The following FILIP1L variants were observed in gnomAD, a reference collection of about 807,000 sequenced individuals.
FILIP1L encodes filamin A interacting protein 1 like.
A neutral mutation model predicts 96.6 loss-of-function variants in FILIP1L; 55 were observed. That is an observed-to-expected ratio of 0.57 (90% confidence interval 0.46 to 0.71). FILIP1L has a LOEUF of 0.71. Among genes scored for constraint, FILIP1L ranks in the 30% least tolerant of loss-of-function variants. The pLI is 0.00. For synonymous variants in FILIP1L, 467 were observed against 473.9 expected (o/e 0.99, Z 0.19); for missense variants, 1,304 against 1,321.2 (o/e 0.99, Z 0.20).
At chr3:99,874,953 CAG>C in intron 4 of FILIP1L, among the ~76,000 whole-genome samples, 1 of 152,242 alleles carries the variant, frequency 6.6e-6, no homozygotes, top group East Asian at 1.9e-4. Context: ...TTTAAAATCT[CAG>C]AGTAAATATA....
chr3:99,972,553 G>A (rs1329904102), intron 1 of FILIP1L, among the ~76,000 whole-genome samples: 1 of 152,150 alleles, frequency 6.6e-6, no homozygotes, highest in Non-Finnish European at 1.5e-5. Context: ...CTGCTGCTGG[G>A]CACAGCTGCT....
chr3:99,918,639 TATG>T (rs1310151628), intron 4 of FILIP1L, among the ~76,000 whole-genome samples: 76 of 152,326 alleles, frequency 5.0e-4, no homozygotes, highest in African/African-American at 1.8e-3. Flanking sequence ...AGTATGGTTT[TATG>T]ACATCTGTTG....
chr3:99,954,091 C>T (rs1309070220), intron 1 of FILIP1L, among the ~76,000 whole-genome samples: 1 of 152,240 alleles, frequency 6.6e-6, no homozygotes, highest in Non-Finnish European at 1.5e-5. Flanking sequence ...CAGCCTTAGG[C>T]TAAGCAAGCT....
chr3:99,967,723 C>T (rs1708695663), intron 1 of FILIP1L, among the ~76,000 whole-genome samples: 1 of 152,158 alleles, frequency 6.6e-6, no homozygotes, highest in Non-Finnish European at 1.5e-5. Flanking sequence ...TACAGAATGA[C>T]ACTAATGGAT....
At chr3:100,056,481 CA>C (rs1304086941) in intron 1 of FILIP1L, among the ~76,000 whole-genome samples, 1 of 152,080 alleles carries the variant, frequency 6.6e-6, no homozygotes, top group Admixed American at 6.5e-5. Flanking sequence ...ACAAAGATAA[CA>C]AAAGTTTATA....
intron 1 of FILIP1L, among the ~76,000 whole-genome samples, chr3:99,943,601 G>A (rs1239950215): frequency 6.6e-6 from 1 of 152,108 alleles, no homozygotes; most frequent in Non-Finnish European, 1.5e-5. Flanking sequence ...CTACTCGGGA[G>A]GCTGAGGCAG....
At chr3:99,893,603 CAT>C (rs1706161191) in intron 4 of FILIP1L, among the ~76,000 whole-genome samples, 1 of 152,142 alleles carries the variant, frequency 6.6e-6, no homozygotes, top group Admixed American at 6.5e-5. Context: ...TTTTTACTAT[CAT>C]GTAGGTATCT....
chr3:99,862,165 T>C (rs759974693), intron 4 of FILIP1L, among the ~76,000 whole-genome samples: 11 of 152,180 alleles, frequency 7.2e-5, no homozygotes, highest in Non-Finnish European at 1.3e-4. Context: ...TATCTAGATA[T>C]ATAAAAACAT....
chr3:99,983,414 ATATATGTATGTATGTATG>A, intron 1 of FILIP1L, among the ~76,000 whole-genome samples: 1 of 95,008 alleles, frequency 1.1e-5, no homozygotes, highest in Non-Finnish European at 2.1e-5. Context: ...ATATATATAT[ATATATGTATGTATGTATG>A]TATATATATG....
At chr3:99,898,231 T>C (rs1412257714) in intron 4 of FILIP1L, 2 of 152,208 alleles carry the variant, frequency 1.3e-5, no homozygotes, top group African/African-American at 4.8e-5. Flanking sequence ...TATCTTTATA[T>C]TGTAGGTAGC....
At chr3:100,028,493 T>G (rs185293545) in intron 1 of FILIP1L, among the ~76,000 whole-genome samples, 48 of 152,278 alleles carry the variant, frequency 3.2e-4, no homozygotes, top group African/African-American at 1.2e-3. Context: ...ACAGATGGAG[T>G]ATGATTTAAT....
intron 4 of FILIP1L, among the ~76,000 whole-genome samples, chr3:99,920,015 CT>C (rs1438464533): frequency 6.6e-6 from 1 of 152,194 alleles, no homozygotes. Context: ...ACCATTTGAA[CT>C]TCTGATTTAC....
intron 1 of FILIP1L, among the ~76,000 whole-genome samples, chr3:99,990,780 A>G (rs1709488247): frequency 6.6e-6 from 1 of 152,184 alleles, no homozygotes. Flanking sequence ...CTATATTTGT[A>G]ATAAAAAAAA....
chr3:99,842,261 C>T (rs1286853356), intron 5 of FILIP1L, among the ~76,000 whole-genome samples: 1 of 152,132 alleles, frequency 6.6e-6, no homozygotes, highest in Non-Finnish European at 1.5e-5. Context: ...TATGTTCTCA[C>T]TCATAAGGAG....
At chr3:100,003,411 A>G (rs1709898636) in intron 1 of FILIP1L, among the ~76,000 whole-genome samples, 1 of 152,148 alleles carries the variant, frequency 6.6e-6, no homozygotes, top group Non-Finnish European at 1.5e-5. Flanking sequence ...CAGTTTAACC[A>G]ATGCACCTAG....
intron 3 of FILIP1L, among the ~76,000 whole-genome samples, chr3:99,926,798 C>G (rs1382441783): frequency 6.6e-6 from 1 of 152,170 alleles, no homozygotes; most frequent in African/African-American, 2.4e-5. Context: ...TCCACTCTTG[C>G]TTTCCATTGT....
intron 4 of FILIP1L, among the ~76,000 whole-genome samples, chr3:99,910,993 C>T (rs879770180): frequency 6.6e-6 from 1 of 152,062 alleles, no homozygotes; most frequent in African/African-American, 2.4e-5. Context: ...AATAAATAGA[C>T]GCTCCTGTTT....
At chr3:99,846,634 AATG>A (rs1943375500) in intron 5 of FILIP1L, among the ~76,000 whole-genome samples, 1 of 152,244 alleles carries the variant, frequency 6.6e-6, no homozygotes, top group Admixed American at 6.5e-5. Flanking sequence ...AAATTTATTT[AATG>A]ATGATGCAAG....
At position 99,848,734 on chromosome 3, in the gene FILIP1L, A is replaced by C. The variant is rs751993760; in HGVS notation, c.2942T>G (p.Phe981Cys). Reference sequence around the variant, plus strand: ...AGACTCTGGGGTCTGTGCTCTGGCAAAGGTTGCCATGGTAATTGGGGACAT... The same window carrying C: ...AGACTCTGGGGTCTGTGCTCTGGCACAGGTTGCCATGGTAATTGGGGACAT... ...QGMSPITMAT[F>C]ARAQTPESCG... Residue 981 changes from phenylalanine (F) to cysteine (C), a missense_variant, in exon 5 of 6, where the codon TTT becomes TGT. Transcript: ENST00000477258. 8 of 1,614,076 alleles carry C rather than the reference A, an allele frequency of 5.0e-6. No homozygotes were observed. The highest frequency in any genetic ancestry group is 6.8e-6 in the Non-Finnish European group (8 of 1,180,026).
Sources: allele counts gnomAD v4.1 joint callset (sites outside exome capture counted in the v4.1 genomes callset), GRCh38; gene constraint gnomAD v4.1.1; transcripts MANE v1.5; gene names NCBI Gene and HGNC (gene_info 2026-07-23, HGNC 2026-07-21).